The following PPP2R2D variants were observed in gnomAD, a reference collection of about 807,000 sequenced individuals.
The protein encoded by PPP2R2D is protein phosphatase 2 regulatory subunit Bdelta.
In PPP2R2D, 9 loss-of-function variants were observed where a neutral mutation model predicts 31.1. The observed-to-expected ratio is 0.29, with a 90% CI of 0.17 to 0.51. The LOEUF (loss-of-function observed/expected upper bound fraction) is 0.51. Ranked by LOEUF, PPP2R2D falls within the 20% of genes least tolerant of loss-of-function variation. PPP2R2D has a pLI of 0.98. For missense variants in PPP2R2D, 391 were observed against 465.6 expected (o/e 0.84, Z 1.48); for synonymous variants, 179 against 172.6 (o/e 1.04, Z -0.29).
downstream of PPP2R2D, among the ~76,000 whole-genome samples, chr10:131,961,254 A>G (rs942855659): frequency 6.6e-6 from 1 of 152,118 alleles, no homozygotes; most frequent in South Asian, 2.1e-4. Flanking sequence ...CTGCCTGCCA[A>G]AGCCAAGTTC....
chr10:131,901,463 G>C (rs1393999122), intron 2 of PPP2R2D, 133 bp downstream of exon 2: 2 of 322,632 alleles, frequency 6.2e-6, no homozygotes, highest in Non-Finnish European at 1.1e-5. Flanking sequence ...AGGGGCCAGG[G>C]GCCGAGCTGG....
intron 5 of PPP2R2D, among the ~76,000 whole-genome samples, chr10:131,942,527 T>G (rs1240901141): frequency 2.0e-5 from 3 of 152,104 alleles, no homozygotes. Context: ...GTTTTTAAAT[T>G]TTTGCTCTTA....
chr10:131,924,421 T>C (rs1044568101), intron 2 of PPP2R2D, among the ~76,000 whole-genome samples: 1 of 152,200 alleles, frequency 6.6e-6, no homozygotes, highest in Admixed American at 6.5e-5. Context: ...CTGGCATCAT[T>C]GTTGAAATAG....
At chr10:131,961,695 C>T (rs1348816748), downstream of PPP2R2D, among the ~76,000 whole-genome samples, 3 of 152,196 alleles carry the variant, frequency 2.0e-5, no homozygotes, top group Admixed American at 1.3e-4. Flanking sequence ...CGTCCTGGGC[C>T]GGGCCTCACC....
chr10:131,908,383 C>CT (rs2035631253), intron 2 of PPP2R2D, among the ~76,000 whole-genome samples: 2 of 152,324 alleles, frequency 1.3e-5, no homozygotes, highest in Admixed American at 1.3e-4. Context: ...CCTGCTCCAG[C>CT]TCCCCTCAGC....
At chr10:131,951,846 C>T (rs1465779616) in intron 8 of PPP2R2D, among the ~76,000 whole-genome samples, 1 of 152,100 alleles carries the variant, frequency 6.6e-6, no homozygotes, top group African/African-American at 2.4e-5. Context: ...AATCTGTATA[C>T]AAAATATAAA....
At chr10:131,913,709 C>T (rs1470809478) in intron 2 of PPP2R2D, among the ~76,000 whole-genome samples, 1 of 152,148 alleles carries the variant, frequency 6.6e-6, no homozygotes, top group Non-Finnish European at 1.5e-5. Context: ...GGTGGTAGGG[C>T]TCACTCCGTT....
Position 131,947,451 on chromosome 10 carries a change from C to T in PPP2R2D, c.821-79C>T. ...CCTTCCAGAGTCTCTCTGAAGGGGC[C>T]ACTTCCTACTTGAACTTGAAAATGA... On this transcript the variant is annotated intron_variant, in intron 7 of 8. Transcript: ENST00000455566. This position sits in a 1 kb window ranked among gnomAD's most constrained non-coding sequence, Gnocchi z 4.3. 1.4e-6 allele frequency: 2 copies of T among 1,468,684 alleles called. No homozygotes were observed. Among genetic ancestry groups the T allele is most frequent in the Non-Finnish European group, 1.8e-6 (2 of 1,089,294 alleles). The allele number at this position is 1,468,684 out of a possible 1,614,324, so 91.0% of individuals were successfully genotyped here. A position where few individuals can be genotyped will look rare whatever the true frequency, so the allele number is the denominator to read the frequency against.
chr10:131,952,187 C>G (rs1463393743), intron 8 of PPP2R2D, among the ~76,000 whole-genome samples: 3 of 73,430 alleles, frequency 4.1e-5, no homozygotes, highest in African/African-American at 5.8e-5. Flanking sequence ...GGGGGTTTCA[C>G]TGTCTTAGCA....
At chr10:131,937,037 G>A (rs1409811422) in intron 3 of PPP2R2D, among the ~76,000 whole-genome samples, 1 of 152,214 alleles carries the variant, frequency 6.6e-6, no homozygotes, top group African/African-American at 2.4e-5. Flanking sequence ...AGCGACCCCA[G>A]CTCCCAGTTA....
chr10:131,921,415 C>T (rs1258409780), intron 2 of PPP2R2D, among the ~76,000 whole-genome samples: 1 of 152,140 alleles, frequency 6.6e-6, no homozygotes, highest in Non-Finnish European at 1.5e-5. Flanking sequence ...GATGAGGGCT[C>T]TGGGAGTCAA....
At chr10:131,938,039 G>A (rs987026037) in intron 3 of PPP2R2D, among the ~76,000 whole-genome samples, 2 of 152,058 alleles carry the variant, frequency 1.3e-5, no homozygotes, top group Admixed American at 6.6e-5. Flanking sequence ...CCTGCCCGTG[G>A]AGGCTTCGGT....
At chr10:131,933,494 G>A (rs1554896006) in intron 2 of PPP2R2D, among the ~76,000 whole-genome samples, 1 of 152,122 alleles carries the variant, frequency 6.6e-6, no homozygotes, top group Non-Finnish European at 1.5e-5. Flanking sequence ...CTGTTCCTGA[G>A]ACTCCCCCAC....
At chr10:131,951,955 A>AG (rs1290986852) in intron 8 of PPP2R2D, among the ~76,000 whole-genome samples, 13 of 152,170 alleles carry the variant, frequency 8.5e-5, no homozygotes, top group Non-Finnish European at 1.6e-4. Flanking sequence ...AACACAGTGC[A>AG]GGGGGGTCCC....
At chr10:131,968,575 C>T in the PPP2R2D span, 3 of 1,594,706 alleles carry the variant, frequency 1.9e-6, no homozygotes, top group African/African-American at 2.7e-5. Context: ...AGATCCTTCA[C>T]AGAAAAATTA....
At chr10:131,970,216 G>GA in the PPP2R2D span, 2 of 182,186 alleles carry the variant, frequency 1.1e-5, no homozygotes, top group Non-Finnish European at 2.3e-5. The surrounding 1 kb of genome is among the most constrained non-coding windows in gnomAD (Gnocchi z 4.1). Context: ...TCATTGCTGA[G>GA]AGTTACTAGA....
At chr10:131,948,173 G>A (rs1361803278) in intron 8 of PPP2R2D, among the ~76,000 whole-genome samples, 1 of 152,204 alleles carries the variant, frequency 6.6e-6, no homozygotes, top group African/African-American at 2.4e-5. Flanking sequence ...CTTCTGGAGA[G>A]AAGTAGATGA....
the PPP2R2D span, chr10:131,968,621 T>C: frequency 1.3e-6 from 2 of 1,495,936 alleles, no homozygotes; most frequent in Non-Finnish European, 1.9e-6. Context: ...CACAGGAGAC[T>C]GTGTTACAGC....
chr10:131,970,942 T>C, the PPP2R2D span: 1 of 1,614,046 alleles, frequency 6.2e-7, no homozygotes, highest in Non-Finnish European at 8.5e-7. The surrounding 1 kb of genome is among the most constrained non-coding windows in gnomAD (Gnocchi z 4.1). Context: ...TTCAACTTCT[T>C]TCCTTCTTTC....
Sources: allele counts gnomAD v4.1 joint callset (sites outside exome capture counted in the v4.1 genomes callset), GRCh38; gene constraint gnomAD v4.1.1; non-coding constraint Gnocchi (gnomAD v3.1); transcripts MANE v1.5; gene names NCBI Gene and HGNC (gene_info 2026-07-23, HGNC 2026-07-21).